The following NDRG4 variants were observed in gnomAD, a reference collection of about 807,000 sequenced individuals.
NDRG4 encodes the protein protein NDRG4.
NDRG4 carries 38 observed loss-of-function variants against 55.8 expected under a neutral mutation model. The observed-to-expected ratio is 0.68, with a 90% CI of 0.53 to 0.89. The LOEUF is 0.89. Ranked by LOEUF, NDRG4 falls within the 40% of genes least tolerant of loss-of-function variation. The pLI, the probability that NDRG4 is intolerant of heterozygous loss-of-function variation, is 0.00. For synonymous variants in NDRG4, 190 were observed against 182.7 expected (o/e 1.04, Z -0.32); for missense variants, 455 against 468.6 (o/e 0.97, Z 0.27).
chr16:58,483,312 T>C (rs1393229433), intron 1 of NDRG4, among the ~76,000 whole-genome samples: 1 of 151,914 alleles, frequency 6.6e-6, no homozygotes, highest in Non-Finnish European at 1.5e-5. Flanking sequence ...TACAGAAGCA[T>C]AGTGGGAGGG....
At chr16:58,465,180 C>A in intron 1 of NDRG4, 2 of 1,143,712 alleles carry the variant, frequency 1.7e-6, no homozygotes, top group Non-Finnish European at 2.3e-6. Context: ...CGGTTTCCTC[C>A]AGCTCTGGGA....
At chr16:58,477,538 G>A (rs1043086042) in intron 1 of NDRG4, among the ~76,000 whole-genome samples, 4 of 152,016 alleles carry the variant, frequency 2.6e-5, no homozygotes, top group African/African-American at 9.7e-5. Context: ...AACCCACAGG[G>A]TAAAATAAAT....
In NDRG4 at chr16:58,504,575, C is replaced by T; in HGVS notation, c.312-14C>T. 1.2e-6 allele frequency: 2 copies of T among 1,614,242 alleles called. No individual in the cohort carries two copies. The highest frequency in any genetic ancestry group is 8.5e-7 in the Non-Finnish European group (1 of 1,180,040). On this transcript the variant is annotated splice_polypyrimidine_tract_variant and intron_variant, in intron 4 of 14. Transcript: ENST00000570248. Reference sequence around the variant, plus strand: ...CACCCCTAGCCCTAGAGTGACCAGCCTGCTCTGCACCAGGTTCAAGTATGT... The same window carrying T: ...CACCCCTAGCCCTAGAGTGACCAGCTTGCTCTGCACCAGGTTCAAGTATGT...
downstream of NDRG4, among the ~76,000 whole-genome samples, chr16:58,513,802 A>G (rs143326256): frequency 2.7e-3 from 417 of 152,194 alleles, 3 homozygotes; most frequent in African/African-American, 9.3e-3. Flanking sequence ...TACTAAAAAT[A>G]CAAAAATTAG....
rs1247338983 is a variant in NDRG4 at position 58,509,009 on chromosome 16, G to A, written c.777G>A (p.Lys259=). 8 of 1,614,036 alleles carry A rather than the reference G, an allele frequency of 5.0e-6. No homozygotes were observed. The highest frequency in any genetic ancestry group is 1.7e-5 in the Admixed American group (1 of 60,004). The change falls in exon 11 of 15, where the codon AAG becomes AAA. Residue 259 remains lysine, a splice_region_variant and synonymous_variant. Transcript: ENST00000570248. The part of the protein sequence containing the change: ...KLDPTTTTFL[K]MADSGGLPQV... ...ACCCGACCACTACGACCTTCCTGAA[G>A]GTGAGGCTTTCTTCCCCAGCCCTGG...
upstream of NDRG4, chr16:58,500,008 C>T: frequency 8.8e-7 from 1 of 1,135,564 alleles, no homozygotes. Context: ...TGGAGCCAGG[C>T]TTGTCTCCCA....
intron 1 of NDRG4, chr16:58,501,808 TG>T: frequency 2.8e-6 from 1 of 355,282 alleles, no homozygotes; most frequent in East Asian, 7.7e-5. Flanking sequence ...GAGAAGACAG[TG>T]GGGCCTCCTC....
chr16:58,506,781 C>T, intron 7 of NDRG4, 131 bp from the exon 8 acceptor site: 2 of 1,154,870 alleles, frequency 1.7e-6, no homozygotes, highest in Non-Finnish European at 2.5e-6. Context: ...CTCCTACCTG[C>T]CCCCACCCTG....
In NDRG4 at chr16:58,511,777, C is replaced by T. The variant is rs984796218; in HGVS notation, c.*201C>T. The T allele has an allele frequency of 1.4e-6, 1 of 694,716 alleles. No homozygotes were observed. The highest frequency in any genetic ancestry group is 2.5e-6 in the Non-Finnish European group (1 of 398,514). The allele number at this position is 694,716 out of a possible 1,614,324, so 43.0% of individuals were successfully genotyped here. On this transcript the variant is annotated 3_prime_UTR_variant, in exon 15 of 15. Transcript: ENST00000570248. ...GCTCAGTCCTCCTCATCCCATCTCACTCTCCGTGGTAACTTAGCCAACTTG... is the reference window on the plus strand; with the variant it reads ...GCTCAGTCCTCCTCATCCCATCTCATTCTCCGTGGTAACTTAGCCAACTTG...
In NDRG4 at chr16:58,512,417, G is replaced by A. The variant is rs906898472; in HGVS notation, c.*841G>A. Reference sequence around the variant, plus strand: ...TCGTGGTGACTGCCTTTGGGAGCCCGCAGGTGGCCAGAGGCAGGGGTAGCT... The same window carrying A: ...TCGTGGTGACTGCCTTTGGGAGCCCACAGGTGGCCAGAGGCAGGGGTAGCT... On this transcript the variant is annotated 3_prime_UTR_variant, in exon 15 of 15. Coordinates refer to ENST00000570248, the MANE Select transcript of NDRG4 (RefSeq NM_001242835.2). 3.9e-5 allele frequency: 10 copies of A among 257,564 alleles called. 1 individual carries two copies. Among genetic ancestry groups the A allele is most frequent in the Admixed American group, 1.6e-4 (3 of 19,178 alleles). The allele number at this position is 257,564 out of a possible 1,614,324, so 16.0% of individuals were successfully genotyped here.
In NDRG4 at chr16:58,500,467, G is replaced by A. The variant is rs369388691; in HGVS notation, c.21+198G>A. 6.0e-5 allele frequency: 40 copies of A among 662,764 alleles called. 1 individual carries two copies. The highest frequency in any genetic ancestry group is 4.7e-4 in the East Asian group (14 of 29,642). 41.1% of individuals were successfully genotyped at this position (662,764 alleles called of 1,614,324 possible). On this transcript the variant is annotated intron_variant, in intron 1 of 14. Coordinates refer to ENST00000570248, the MANE Select transcript of NDRG4 (RefSeq NM_001242835.2). ...ATCCTGTTTGCAGGAGTGGCTGGGGGCAGCTGCTAGTCAGAGCCCATAGCA... is the reference window on the plus strand; with the variant it reads ...ATCCTGTTTGCAGGAGTGGCTGGGGACAGCTGCTAGTCAGAGCCCATAGCA...
chr16:58,506,162 G>A (rs777663723), intron 5 of NDRG4: 10 of 677,788 alleles, frequency 1.5e-5, no homozygotes, highest in African/African-American at 5.3e-5. Flanking sequence ...GTGTGTCTGT[G>A]TGTGTGTAGG....
At chr16:58,500,022 G>A (rs1201181379), upstream of NDRG4, 24 of 1,274,920 alleles carry the variant, frequency 1.9e-5, no homozygotes, top group Non-Finnish European at 2.4e-5. Flanking sequence ...TCTCCCAGCA[G>A]CCAATATGGG....
intron 2 of NDRG4, among the ~76,000 whole-genome samples, chr16:58,488,831 G>A (rs1459556712): frequency 2.0e-5 from 3 of 152,164 alleles, no homozygotes; most frequent in Middle Eastern, 3.2e-3. Flanking sequence ...TGGCTTATCC[G>A]AGGGCAGCCA....
intron 1 of NDRG4, among the ~76,000 whole-genome samples, chr16:58,481,602 C>A (rs1392794967): frequency 6.6e-6 from 1 of 152,174 alleles, no homozygotes; most frequent in Non-Finnish European, 1.5e-5. Context: ...GGAGCCTGGG[C>A]TGGAGAAATA....
chr16:58,495,827 G>A (rs1332867039), upstream of NDRG4, among the ~76,000 whole-genome samples: 1 of 152,162 alleles, frequency 6.6e-6, no homozygotes, highest in African/African-American at 2.4e-5. Context: ...GATCCTCCGG[G>A]AATGCCATCT....
At chr16:58,498,077 G>A (rs2151754105), upstream of NDRG4, among the ~76,000 whole-genome samples, 1 of 152,262 alleles carries the variant, frequency 6.6e-6, no homozygotes, top group Non-Finnish European at 1.5e-5. Context: ...GGAGTGGGCA[G>A]TGTCGCAGGT....
upstream of NDRG4, chr16:58,500,106 G>T (rs1230537408): frequency 6.6e-7 from 1 of 1,525,082 alleles, no homozygotes; most frequent in African/African-American, 1.4e-5. Context: ...GCTGGGCCAG[G>T]ATCCCTGTAT....
In NDRG4 at chr16:58,511,779, C is replaced by A. The variant is rs2038831187; in HGVS notation, c.*203C>A. 2.0e-5 allele frequency: 14 copies of A among 690,628 alleles called. No individual in the cohort carries two copies. In the South Asian group the frequency reaches 2.3e-4, roughly 11 times the overall value. 42.8% of individuals were successfully genotyped at this position (690,628 alleles called of 1,614,324 possible). On this transcript the variant is annotated 3_prime_UTR_variant, in exon 15 of 15. Coordinates refer to ENST00000570248, the MANE Select transcript of NDRG4 (RefSeq NM_001242835.2). Reference sequence around the variant, plus strand: ...TCAGTCCTCCTCATCCCATCTCACTCTCCGTGGTAACTTAGCCAACTTGAC... The same window carrying A: ...TCAGTCCTCCTCATCCCATCTCACTATCCGTGGTAACTTAGCCAACTTGAC...
Sources: gnomAD v4.1 joint callset for allele counts (sites outside exome capture counted in the v4.1 genomes callset) on GRCh38, gnomAD v4.1.1 for gene constraint, MANE v1.5 for transcripts, NCBI Gene and HGNC (gene_info 2026-07-23, HGNC 2026-07-21) for gene names.